CR1L: variants seen among roughly 807,000 people sequenced by gnomAD.
The protein encoded by CR1L is complement component receptor 1-like protein.
A neutral mutation model predicts 62.3 loss-of-function variants in CR1L; 59 were observed. That is an observed-to-expected ratio of 0.95 (90% CI 0.77 to 1.18). CR1L has a LOEUF of 1.18. CR1L is among the 50% of genes most tolerant of loss of function. The probability of loss-of-function intolerance (pLI) is 0.00; values close to 1 mark genes in which losing one functional copy is unlikely to be tolerated. For missense variants in CR1L, 700 were observed against 702.8 expected, an observed-to-expected ratio of 1.00 and a Z score of 0.04; for synonymous variants, 279 against 248.7, an observed-to-expected ratio of 1.12 and a Z score of -1.15.
chr1:207,663,420 C>T (rs879285601), intron 1 of CR1L, among the ~76,000 whole-genome samples: 6 of 152,232 alleles, frequency 3.9e-5, no homozygotes, highest in Non-Finnish European at 7.3e-5. Flanking sequence ...AGCAAGACTC[C>T]GTGGGCGTAG....
At chr1:207,721,209 T>C (rs1235005468) in intron 11 of CR1L, among the ~76,000 whole-genome samples, 1 of 152,120 alleles carries the variant, frequency 6.6e-6, no homozygotes, top group Non-Finnish European at 1.5e-5. Context: ...TTTTTTATTA[T>C]ACTTTAAGTT....
At position 207,700,865 on chromosome 1, in the gene CR1L, G is replaced by T. The variant is rs146222508; in HGVS notation, c.1229-654G>T. On this transcript the variant is annotated intron_variant, in intron 8 of 11. Transcript: ENST00000508064. ...AATGAATGAGTAACCCTTCAAAACG[G>T]TTATTTTTCTTCTTCAAATGTTTTG... Among the ~76,000 whole-genome samples, 890 of 152,286 alleles carry T rather than the reference G, an allele frequency of 5.8e-3. 7 individuals are homozygous for T. The highest frequency in any genetic ancestry group is 8.5e-3 in the South Asian group (41 of 4,828).
rs188536074 is a variant in CR1L at position 207,677,449 on chromosome 1, T to C, written c.158T>C (p.Phe53Ser). 228 of 1,613,882 alleles carry C rather than the reference T, an allele frequency of 1.4e-4. 2 individuals are homozygous for C. The East Asian group carries it at 4.2e-3, about 29-fold the overall frequency. ...AGGCCTACCAACCTAACTGATGACT[T>C]TGAGTTTCCCATTGGGACATATCTG... Reference protein sequence around the residue: ...FARPTNLTDDFEFPIGTYLNY... With the variant: ...FARPTNLTDDSEFPIGTYLNY... The change falls in exon 2 of 12, where the codon TTT becomes TCT. Residue 53 changes from phenylalanine (F) to serine (S), a missense_variant. By Grantham distance (155) the Phe-to-Ser change is radical (BLOSUM62 -2). Transcript: ENST00000508064.
At chr1:207,683,814 TA>T in intron 3 of CR1L, 57 bp from the exon 4 acceptor site, 1 of 1,493,194 alleles carries the variant, frequency 6.7e-7, no homozygotes, top group Non-Finnish European at 9.3e-7. Context: ...AGTAGTAATT[TA>T]ATTGGGTAGT....
chr1:207,655,251 A>G, intron 1 of CR1L: 1 of 697,082 alleles, frequency 1.4e-6, no homozygotes. Flanking sequence ...AGCAGTTTGG[A>G]GCAGTAAGCC....
chr1:207,683,147 C>T (rs1190453602), intron 3 of CR1L, among the ~76,000 whole-genome samples: 1 of 150,134 alleles, frequency 6.7e-6, no homozygotes, highest in Non-Finnish European at 1.5e-5. Context: ...CCGCCCCTTT[C>T]TTTCCTACTG....
chr1:207,720,765 CAG>C (rs1654117974), intron 11 of CR1L, among the ~76,000 whole-genome samples: 1 of 152,178 alleles, frequency 6.6e-6, no homozygotes, highest in Admixed American at 6.5e-5. Context: ...TAAAAACTAA[CAG>C]AAGTTTCAAC....
chr1:207,660,279 C>A (rs1663389759), intron 1 of CR1L, among the ~76,000 whole-genome samples: 2 of 152,226 alleles, frequency 1.3e-5, no homozygotes, highest in African/African-American at 2.4e-5. Flanking sequence ...TAGGGGCTGA[C>A]AGACACCTCA....
intron 11 of CR1L, among the ~76,000 whole-genome samples, chr1:207,718,980 A>C (rs1220331060): frequency 2.7e-5 from 4 of 149,412 alleles, no homozygotes; most frequent in African/African-American, 9.9e-5. Context: ...AAATTGGAAA[A>C]CATCATTCTC....
intron 1 of CR1L, among the ~76,000 whole-genome samples, chr1:207,672,236 T>C (rs1663625450): frequency 6.6e-6 from 1 of 150,660 alleles, no homozygotes; most frequent in Admixed American, 6.6e-5. Context: ...GTAGCTGTGT[T>C]AATTTCAAAC....
chr1:207,671,120 C>T (rs1186628806), intron 1 of CR1L, among the ~76,000 whole-genome samples: 1 of 151,004 alleles, frequency 6.6e-6, no homozygotes, highest in Non-Finnish European at 1.5e-5. Flanking sequence ...TAAGTCACAT[C>T]ACTGACCTTC....
chr1:207,656,534 G>T (rs1663313277), intron 1 of CR1L, among the ~76,000 whole-genome samples: 1 of 152,114 alleles, frequency 6.6e-6, no homozygotes, highest in South Asian at 2.1e-4. Flanking sequence ...ATAAAGAAAA[G>T]AGGTTTAATT....
At chr1:207,658,649 G>A (rs1663356875) in intron 1 of CR1L, 1 of 152,402 alleles carries the variant, frequency 6.6e-6, no homozygotes, top group African/African-American at 2.4e-5. Flanking sequence ...CAGCACCCAA[G>A]AGTGTGGGGT....
chr1:207,659,956 G>A (rs7539772), intron 1 of CR1L, among the ~76,000 whole-genome samples: 55,320 of 152,142 alleles, frequency 0.36, 10,233 homozygotes, highest in Non-Finnish European at 0.4. Context: ...GGGGAGGAGC[G>A]TCCGACATTG....
chr1:207,700,350 G>A (rs996623885), intron 8 of CR1L, among the ~76,000 whole-genome samples: 3 of 152,294 alleles, frequency 2.0e-5, no homozygotes, highest in East Asian at 1.9e-4. Flanking sequence ...ATGCATGAAA[G>A]CTCATTGATT....
chr1:207,710,415 A>G, intron 10 of CR1L: 1 of 1,558,952 alleles, frequency 6.4e-7, no homozygotes. Context: ...AACATCACCA[A>G]TGGATATTTC....
chr1:207,648,765 C>T (rs143956752), intron 1 of CR1L, among the ~76,000 whole-genome samples: 337 of 152,296 alleles, frequency 2.2e-3, no homozygotes, highest in South Asian at 7.7e-3. Flanking sequence ...TTTCCTCACT[C>T]GGCATACTAC....
chr1:207,679,255 C>A (rs10779359), intron 3 of CR1L, among the ~76,000 whole-genome samples: 77,291 of 149,094 alleles, frequency 0.52, 20,337 homozygotes, highest in East Asian at 0.69. Flanking sequence ...CGCCCACCTC[C>A]CGGCCTCCCA....
At chr1:207,667,506 T>A (rs553133581) in intron 1 of CR1L, among the ~76,000 whole-genome samples, 2 of 152,350 alleles carry the variant, frequency 1.3e-5, no homozygotes, top group South Asian at 4.1e-4. Context: ...TCCAAGATAC[T>A]CTTTCCATCT....
Sources: allele counts gnomAD v4.1 joint callset (sites outside exome capture counted in the v4.1 genomes callset), GRCh38; gene constraint gnomAD v4.1.1; transcripts MANE v1.5; gene names NCBI Gene and HGNC (gene_info 2026-07-23, HGNC 2026-07-21).